MMP28: variants seen among roughly 807,000 people sequenced by gnomAD.
MMP28 encodes matrix metalloproteinase-28.
MMP28 carries 55 observed loss-of-function variants against 60.5 expected under a neutral mutation model. The ratio of observed to expected loss-of-function variants is 0.91; its 90% CI spans 0.73 to 1.14. The LOEUF (loss-of-function observed/expected upper bound fraction) is 1.14, where lower values mean the gene tolerates loss of function less well. Among genes scored for constraint, MMP28 ranks in the 50% most tolerant of loss-of-function variants. The pLI, the probability that MMP28 is intolerant of heterozygous loss-of-function variation, is 0.00. For synonymous variants in MMP28, 318 were observed against 312.5 expected (o/e 1.02, Z -0.18); for missense variants, 686 against 738.3 (o/e 0.93, Z 0.82).
chr17:35,756,416 C>T (rs984768997), exon 3 of MMP28: 1 of 985,154 alleles, frequency 1.0e-6, no homozygotes, highest in Non-Finnish European at 1.2e-6. Flanking sequence ...ACTTTGTCCT[C>T]AGGCTGCAGT....
At chr17:35,789,033 A>G (rs556099917) in intron 1 of MMP28, among the ~76,000 whole-genome samples, 1 of 152,322 alleles carries the variant, frequency 6.6e-6, no homozygotes, top group East Asian at 1.9e-4. Flanking sequence ...TGCAACAATG[A>G]ACTTGTTTGT....
chr17:35,789,797 C>G (rs974250982), intron 1 of MMP28, among the ~76,000 whole-genome samples: 26 of 150,466 alleles, frequency 1.7e-4, no homozygotes, highest in Admixed American at 6.6e-4. Context: ...CGGAGTCTCG[C>G]TCTGCTCAAG....
chr17:35,769,508 C>A (rs1475617265), intron 5 of MMP28, among the ~76,000 whole-genome samples: 1 of 152,194 alleles, frequency 6.6e-6, no homozygotes, highest in Non-Finnish European at 1.5e-5. Flanking sequence ...AGGGAGACAG[C>A]CCTGGGCTGA....
chr17:35,784,500 T>C (rs1433072252), intron 1 of MMP28, among the ~76,000 whole-genome samples: 8 of 152,324 alleles, frequency 5.3e-5, no homozygotes, highest in Non-Finnish European at 5.9e-5. Flanking sequence ...AAACTCCCTC[T>C]GCTCCTGGAG....
At chr17:35,779,150 G>A (rs2086424234) in intron 2 of MMP28, 75 bp from the exon 3 acceptor site, 3 of 1,572,532 alleles carry the variant, frequency 1.9e-6, no homozygotes, top group East Asian at 4.6e-5. Flanking sequence ...TCCCTGGGGT[G>A]TAGCCAGCCA....
chr17:35,757,645 A>G (rs2085754649), intron 2 of MMP28, among the ~76,000 whole-genome samples: 1 of 152,196 alleles, frequency 6.6e-6, no homozygotes, highest in Non-Finnish European at 1.5e-5. Flanking sequence ...TTACATCTTA[A>G]TTGACATGAT....
At chr17:35,773,083 G>T in intron 4 of MMP28, 97 bp downstream of exon 4, 3 of 1,125,548 alleles carry the variant, frequency 2.7e-6, no homozygotes, top group Middle Eastern at 2.7e-4. Context: ...CTCAGCCAAG[G>T]CCACAGGGAG....
At chr17:35,759,545 C>CA (rs782354805) in intron 2 of MMP28, among the ~76,000 whole-genome samples, 9 of 152,010 alleles carry the variant, frequency 5.9e-5, no homozygotes, top group Non-Finnish European at 1.3e-4. Context: ...ACTAAAAATA[C>CA]AAAAAATTAG....
In MMP28 at chr17:35,781,642, T is replaced by A. The variant is rs147979129; in HGVS notation, c.112-2319A>T. ...TGGGCAGACGATGCACTTGGCTCCC[T>A]GATTGCCCTTCTCACTGATAAAGTT... On this transcript the variant is annotated intron_variant, in intron 1 of 7. Transcript: ENST00000605424. 8.1e-4 allele frequency among the ~76,000 whole-genome samples: 123 copies of A among 152,296 alleles called. 1 individual carries two copies. The East Asian group carries it at 0.018, about 23-fold the overall frequency.
intron 3 of MMP28, among the ~76,000 whole-genome samples, chr17:35,778,156 G>T (rs1013863885): frequency 6.6e-6 from 1 of 152,110 alleles, no homozygotes; most frequent in Non-Finnish European, 1.5e-5. Flanking sequence ...AGGAGGAGAA[G>T]AAAAGAAAGA....
At chr17:35,768,404 G>C (rs765137477) in intron 5 of MMP28, 25 bp from the exon 6 acceptor site, 4 of 1,572,598 alleles carry the variant, frequency 2.5e-6, no homozygotes, top group Non-Finnish European at 3.4e-6. Context: ...AAATAAGAGA[G>C]AGAGAGAACA....
chr17:35,764,194 A>T, downstream of MMP28: 1 of 1,547,998 alleles, frequency 6.5e-7, no homozygotes, highest in South Asian at 1.2e-5. Flanking sequence ...AGCGGCGCTC[A>T]GTGTCCTACT....
rs751609610 is a variant in MMP28, at chr17:35,766,820, G to T, written c.1243C>A (p.Pro415Thr). The change falls in exon 8 of 8, where the codon CCC (proline) becomes ACC (threonine). Residue 415 changes from proline (P) to threonine (T), a missense_variant. Transcript: ENST00000605424. The surrounding 1 kb of genome is among the most constrained non-coding windows in gnomAD (Gnocchi z 4.3). ...AAGAGGGCGGCGTCAGGATGGCGGG[G>T]CAGGCCCCCTGCCCGGCACAGCTGT... ...LPQLCRAGGL[P>T]RHPDAALFFP... The T allele has an allele frequency of 4.3e-5, 67 of 1,574,156 alleles. No individual in the cohort carries two copies. Among genetic ancestry groups the T allele is most frequent in the Non-Finnish European group, 5.1e-5 (59 of 1,160,600 alleles).
At chr17:35,778,828 T>C (rs1302416231) in intron 3 of MMP28, 60 bp downstream of exon 3, 1 of 1,613,782 alleles carries the variant, frequency 6.2e-7, no homozygotes. Context: ...GCTGTTTTCC[T>C]AGCCATTGGC....
In MMP28 at chr17:35,773,166, C is replaced by A. The variant is rs2086213957; in HGVS notation, c.604+14G>T. On this transcript the variant is annotated intron_variant, in intron 4 of 7. Transcript: ENST00000605424. ...CCCCTCCTGCTGTGCGGGAGGGAGG[C>A]TTTGTGCCAGCACCTGGGCCATCAA... The A allele has an allele frequency of 1.2e-6, 2 of 1,610,630 alleles. No individual in the cohort carries two copies. The highest frequency in any genetic ancestry group is 1.3e-5 in the African/African-American group (1 of 74,868).
rs1555602978 is a variant in MMP28, at chr17:35,766,063, C to A, written c.*437G>T. ...TGGGGCCTCTGACTAAATATGACAC[C>A]GTTTTTCAAGAACTGAGCCAGGGGG... On this transcript the variant is annotated 3_prime_UTR_variant, in exon 8 of 8. Coordinates refer to ENST00000605424, the MANE Select transcript of MMP28 (RefSeq NM_024302.5). This position sits in a 1 kb window ranked among gnomAD's most constrained non-coding sequence, Gnocchi z 4.3. 2.0e-6 allele frequency: 2 copies of A among 990,888 alleles called. No homozygotes were observed. The highest frequency in any genetic ancestry group is 2.4e-6 in the Non-Finnish European group (2 of 833,714). 61.4% of individuals were successfully genotyped at this position (990,888 alleles called of 1,614,324 possible).
At chr17:35,771,702 T>A (rs1174247612) in intron 4 of MMP28, among the ~76,000 whole-genome samples, 1 of 8,556 alleles carries the variant, frequency 1.2e-4, no homozygotes, top group Non-Finnish European at 2.1e-4. Context: ...AGTGAATATA[T>A]ATATATATAT....
downstream of MMP28, chr17:35,764,295 T>A (rs1181606275): frequency 1.3e-6 from 2 of 1,513,514 alleles, no homozygotes; most frequent in Non-Finnish European, 1.8e-6. Flanking sequence ...CCCTTAGCGC[T>A]GCTGGGCGGC....
chr17:35,781,946 ACCACAG>A (rs2086515584), intron 1 of MMP28, among the ~76,000 whole-genome samples: 1 of 151,452 alleles, frequency 6.6e-6, no homozygotes, highest in Non-Finnish European at 1.5e-5. Context: ...ATCATTGCTC[ACCACAG>A]CCTCAAACTC....
Sources: gnomAD v4.1 joint callset for allele counts (sites outside exome capture counted in the v4.1 genomes callset) on GRCh38, gnomAD v4.1.1 for gene constraint, Gnocchi (gnomAD v3.1) non-coding constraint, MANE v1.5 for transcripts, NCBI Gene and HGNC (gene_info 2026-07-23, HGNC 2026-07-21) for gene names.